The following NAV3 variants were observed in gnomAD, a reference collection of about 807,000 sequenced individuals.
NAV3 encodes the protein neuron navigator 3.
NAV3 carries 87 observed loss-of-function variants against 244.7 expected under a neutral mutation model. The observed-to-expected ratio is 0.36, with a 90% CI of 0.30 to 0.42. The LOEUF is 0.42. Among genes scored for constraint, NAV3 ranks in the 20% least tolerant of loss-of-function variants. The pLI is 1.00. For synonymous variants in NAV3, 1,126 were observed against 1,042.2 expected (o/e 1.08, Z -1.55); for missense variants, 2,663 against 2,893.3 (o/e 0.92, Z 1.83).
intron 9 of NAV3, among the ~76,000 whole-genome samples, chr12:78,034,251 C>T (rs922154226): frequency 9.9e-5 from 15 of 152,128 alleles, no homozygotes; most frequent in Non-Finnish European, 1.2e-4. Context: ...GTTGTGATAA[C>T]GAAAAATGTT....
intron 2 of NAV3, among the ~76,000 whole-genome samples, chr12:77,754,880 A>G (rs926759911): frequency 4.6e-5 from 7 of 152,196 alleles, no homozygotes; most frequent in African/African-American, 1.7e-4. Flanking sequence ...CCAGTTTTAT[A>G]CTAAAACCAA....
intron 2 of NAV3, among the ~76,000 whole-genome samples, chr12:77,626,675 C>T (rs1293734465): frequency 6.6e-6 from 1 of 152,002 alleles, no homozygotes; most frequent in Non-Finnish European, 1.5e-5. Context: ...GAAAAAAAAC[C>T]TGCTAGCCAA....
rs55758208 is a variant in NAV3 at position 77,746,104 on chromosome 12, GA to G, written c.72+173848del. 5.0e-3 allele frequency among the ~76,000 whole-genome samples: 747 copies of G among 148,732 alleles called. 7 individuals carry two copies. Among genetic ancestry groups the G allele is most frequent in the African/African-American group, 0.016 (649 of 40,606 alleles). On this transcript the variant is annotated intron_variant, in intron 2 of 8. Transcript: ENST00000550042. ...AACTGTATTAAAATAGCAGTCGAAA[GA>G]AAAAAAAAATCTCTAGTATGGTTTC... is the stretch of plus-strand genomic sequence containing the variant.
rs1384459379 is a variant in NAV3, at chr12:78,131,536, T to TA, written c.4441+2672dup. ...CACACCCAAATCACCTAAAGTGCTA[T>TA]AAGCTTGCTAAGTACTTCATGTCTC... On this transcript the variant is annotated intron_variant, in intron 18 of 39. Coordinates refer to ENST00000397909, the MANE Select transcript of NAV3 (RefSeq NM_001024383.2). Among the ~76,000 whole-genome samples, 8 of 152,300 alleles carry TA rather than the reference T, an allele frequency of 5.3e-5. No homozygotes were observed. In the East Asian group the frequency reaches 1.5e-3, roughly 29 times the overall value.
chr12:77,799,918 T>A (rs1871614710), intron 2 of NAV3, among the ~76,000 whole-genome samples: 1 of 152,202 alleles, frequency 6.6e-6, no homozygotes, highest in Non-Finnish European at 1.5e-5. Flanking sequence ...TACTGTAGTT[T>A]TTGATTCCCC....
intron 9 of NAV3, among the ~76,000 whole-genome samples, chr12:78,045,502 C>A (rs1881632408): frequency 6.6e-6 from 1 of 152,030 alleles, no homozygotes; most frequent in Non-Finnish European, 1.5e-5. Context: ...ACCATGTTGG[C>A]CAGGATTGTC....
intron 21 of NAV3, among the ~76,000 whole-genome samples, chr12:78,148,196 G>A (rs1956937638): frequency 6.6e-6 from 1 of 151,954 alleles, no homozygotes; most frequent in South Asian, 2.1e-4. Flanking sequence ...AAGCTATAAA[G>A]CATCTCTGAG....
intron 23 of NAV3, among the ~76,000 whole-genome samples, chr12:78,164,233 A>ATT (rs1312403576): frequency 6.6e-6 from 1 of 152,066 alleles, no homozygotes; most frequent in Admixed American, 6.6e-5. Context: ...ACATATGTTA[A>ATT]GGTATGAGGG....
chr12:78,131,292 C>G (rs1201437461), intron 18 of NAV3, among the ~76,000 whole-genome samples: 1 of 152,152 alleles, frequency 6.6e-6, no homozygotes, highest in East Asian at 1.9e-4. Context: ...TTCATATAAG[C>G]TAATGATTTC....
intron 2 of NAV3, among the ~76,000 whole-genome samples, chr12:77,637,091 TAACA>T (rs1872191386): frequency 6.6e-6 from 1 of 151,934 alleles, no homozygotes; most frequent in Admixed American, 6.6e-5. Flanking sequence ...TATACCTGTG[TAACA>T]AACCTGCACA....
intron 11 of NAV3, among the ~76,000 whole-genome samples, chr12:78,058,683 A>G (rs1883872688): frequency 6.6e-6 from 1 of 152,182 alleles, no homozygotes; most frequent in Admixed American, 6.5e-5. Flanking sequence ...TAAGAGTTAT[A>G]TTATCTGCAA....
At chr12:78,029,206 A>G (rs529894599) in intron 9 of NAV3, among the ~76,000 whole-genome samples, 2 of 151,962 alleles carry the variant, frequency 1.3e-5, no homozygotes, top group African/African-American at 4.8e-5. Context: ...ATACTTTCAG[A>G]GTCCATAAGT....
At chr12:77,971,847 A>G (rs909768875) in intron 5 of NAV3, among the ~76,000 whole-genome samples, 2 of 152,182 alleles carry the variant, frequency 1.3e-5, no homozygotes, top group Non-Finnish European at 2.9e-5. Context: ...GTTTCAGTTC[A>G]GTGAAAGTGT....
intron 2 of NAV3, among the ~76,000 whole-genome samples, chr12:77,763,879 G>A (rs2135848719): frequency 6.6e-6 from 1 of 152,284 alleles, no homozygotes; most frequent in African/African-American, 2.4e-5. Flanking sequence ...ACCCCATCCA[G>A]ATAGTACTAC....
At chr12:77,962,147 C>A (rs959946930) in intron 3 of NAV3, among the ~76,000 whole-genome samples, 2 of 151,998 alleles carry the variant, frequency 1.3e-5, no homozygotes, top group Non-Finnish European at 2.9e-5. Flanking sequence ...TTTGTTCACT[C>A]TTCTCTGTTG....
intron 1 of NAV3, among the ~76,000 whole-genome samples, chr12:77,926,633 G>A (rs1025380535): frequency 2.6e-5 from 4 of 152,132 alleles, no homozygotes; most frequent in Non-Finnish European, 2.9e-5. Flanking sequence ...TTCCATCCAC[G>A]CCAGAGGTTC....
upstream of NAV3, among the ~76,000 whole-genome samples, chr12:77,827,779 C>A (rs144688203): frequency 6.6e-6 from 1 of 152,230 alleles, no homozygotes; most frequent in Non-Finnish European, 1.5e-5. Flanking sequence ...TCACAGCACC[C>A]CTGTGAAGGA....
intron 2 of NAV3, among the ~76,000 whole-genome samples, chr12:77,743,488 G>A (rs1210049781): frequency 6.6e-6 from 1 of 151,790 alleles, no homozygotes; most frequent in Non-Finnish European, 1.5e-5. Context: ...TCCACACTAA[G>A]AGTTGTACTC....
intron 2 of NAV3, among the ~76,000 whole-genome samples, chr12:77,794,053 T>A (rs1400200255): frequency 2.0e-5 from 3 of 152,216 alleles, no homozygotes; most frequent in South Asian, 4.1e-4. Flanking sequence ...TGGTTTTGAT[T>A]TGCATTTCTC....
Sources: allele counts gnomAD v4.1 joint callset (sites outside exome capture counted in the v4.1 genomes callset), GRCh38; gene constraint gnomAD v4.1.1; transcripts MANE v1.5; gene names NCBI Gene and HGNC (gene_info 2026-07-23, HGNC 2026-07-21).